CLUAP1: variants seen among roughly 807,000 people sequenced by gnomAD.
The protein encoded by CLUAP1 is clusterin-associated protein 1.
Under a neutral mutation model 55.0 loss-of-function variants are expected in CLUAP1, and 50 were observed. That is an observed-to-expected ratio of 0.91 (90% confidence interval 0.72 to 1.15). The LOEUF (loss-of-function observed/expected upper bound fraction) is 1.15. Ranked by LOEUF, CLUAP1 falls within the 50% of genes most tolerant of loss-of-function variation. The pLI, the probability that CLUAP1 is intolerant of heterozygous loss-of-function variation, is 0.00. For synonymous variants in CLUAP1, 195 were observed against 175.4 expected (o/e 1.11, Z -0.88); for missense variants, 530 against 507.6 (o/e 1.04, Z -0.42).
intron 5 of CLUAP1, chr16:3,515,255 G>C (rs1325905215): frequency 1.9e-5 from 6 of 314,142 alleles, no homozygotes; most frequent in African/African-American, 1.3e-4. Context: ...GCTAAGTTCA[G>C]TTTTGCTCAT....
In CLUAP1 at chr16:3,523,176, G is replaced by A. The variant is rs759823647; in HGVS notation, c.732G>A (p.Glu244=). Residue 244 remains glutamate, a synonymous_variant, in exon 8 of 12, where the codon GAG becomes GAA. Transcript: ENST00000576634. The stretch of plus-strand genomic sequence containing the variant: ...CTTTTAGGCCATGTTTTATGGATGA[G>A]TATGAGAAGACTGAGGAAGAATTAC... ...LQSVRPCFMD[E]YEKTEEELQK... The A allele has an allele frequency of 6.2e-7, 1 of 1,612,758 alleles. No individual in the cohort carries two copies.
intron 7 of CLUAP1, among the ~76,000 whole-genome samples, chr16:3,521,508 C>T (rs2037833002): frequency 6.6e-6 from 1 of 151,120 alleles, no homozygotes; most frequent in East Asian, 2.0e-4. Context: ...GATCCCGGCT[C>T]ACTGCAAACT....
upstream of CLUAP1, among the ~76,000 whole-genome samples, chr16:3,498,717 G>A (rs779749389): frequency 3.3e-5 from 5 of 152,024 alleles, no homozygotes; most frequent in East Asian, 1.9e-4. Context: ...AAAATTAGCC[G>A]GGTGTGGTGG....
At chr16:3,496,903 C>T, upstream of CLUAP1, 1 of 300,440 alleles carries the variant, frequency 3.3e-6, no homozygotes, top group South Asian at 3.0e-5. Flanking sequence ...TGGAGTCTCA[C>T]TTTGGCGCCC....
intron 9 of CLUAP1, among the ~76,000 whole-genome samples, chr16:3,528,475 C>T (rs2037991300): frequency 6.6e-6 from 1 of 152,188 alleles, no homozygotes; most frequent in African/African-American, 2.4e-5. Flanking sequence ...TTTGAAGGGC[C>T]TGTCTAGCCA....
Position 3,530,644 on chromosome 16 carries a change from G to A in CLUAP1, c.1005G>A (p.Lys335=), listed in dbSNP as rs35876598. The A allele has an allele frequency of 6.2e-7, 1 of 1,613,986 alleles. No homozygotes were observed. The highest frequency in any genetic ancestry group is 1.3e-5 in the African/African-American group (1 of 74,920). The change falls in exon 10 of 12, where the codon AAG becomes AAA. Residue 335 remains lysine, a synonymous_variant. Coordinates refer to ENST00000576634, the MANE Select transcript of CLUAP1 (RefSeq NM_015041.3). ...DSELEERRLP[K]PQTAMEMLMQ... is the part of the protein sequence containing the mutation. ...AGTTGGAAGAAAGGCGGCTGCCCAA[G>A]CCACAGACAGCCATGGAGATGCTCA...
chr16:3,530,481 CTT>C, intron 9 of CLUAP1, 85 bp from the exon 10 acceptor site: 1 of 885,658 alleles, frequency 1.1e-6, no homozygotes, highest in Non-Finnish European at 1.9e-6. Flanking sequence ...GAACAAATGA[CTT>C]TTGCACACAG....
intron 1 of CLUAP1, among the ~76,000 whole-genome samples, chr16:3,503,536 A>G (rs1309138685): frequency 2.0e-5 from 3 of 151,866 alleles, no homozygotes; most frequent in Non-Finnish European, 2.9e-5. Flanking sequence ...ACCTCAGGTG[A>G]TCTACCCTCC....
Position 3,530,677 on chromosome 16 carries a change from T to G in CLUAP1, c.1036+2T>G. ...CAGCCATGGAGATGCTCATGCAAGG[T>G]ACCCCGGCGTCTTTCGCTGGACTTC... On this transcript the variant is annotated splice_donor_variant, in intron 10 of 11. Transcript: ENST00000576634. LOFTEE classifies it high-confidence loss of function. The G allele has an allele frequency of 5.0e-6, 8 of 1,612,714 alleles. No individual in the cohort carries two copies. The highest frequency in any genetic ancestry group is 5.9e-6 in the Non-Finnish European group (7 of 1,178,902).
At chr16:3,506,245 C>A (rs973682537) in intron 2 of CLUAP1, 86 bp from the exon 3 acceptor site, 1 of 1,079,294 alleles carries the variant, frequency 9.3e-7, no homozygotes, top group Non-Finnish European at 1.4e-6. Flanking sequence ...TGTTCCAGAC[C>A]CGCTGTCCTC....
At chr16:3,531,383 G>C (rs191859764) in intron 10 of CLUAP1, among the ~76,000 whole-genome samples, 1 of 152,072 alleles carries the variant, frequency 6.6e-6, no homozygotes, top group Admixed American at 6.6e-5. Flanking sequence ...TTAGTTGGGC[G>C]CAATGGCGGG....
intron 6 of CLUAP1, among the ~76,000 whole-genome samples, chr16:3,519,690 GA>G (rs998624114): frequency 6.0e-5 from 9 of 150,828 alleles, no homozygotes; most frequent in Non-Finnish European, 8.9e-5. Flanking sequence ...TTTTCATGGG[GA>G]AAAAAAAAGA....
chr16:3,509,649 A>G (rs1234681129), intron 4 of CLUAP1, among the ~76,000 whole-genome samples: 5 of 152,182 alleles, frequency 3.3e-5, no homozygotes, highest in Non-Finnish European at 7.3e-5. Context: ...CTAGGAATGA[A>G]GGCCCCGGGG....
chr16:3,503,149 A>G (rs1269676994), intron 1 of CLUAP1, among the ~76,000 whole-genome samples: 1 of 150,356 alleles, frequency 6.7e-6, no homozygotes, highest in Non-Finnish European at 1.5e-5. Context: ...TAACTTTTGT[A>G]TTTTTATTTT....
chr16:3,530,736 A>G (rs549878793), intron 10 of CLUAP1, 61 bp downstream of exon 10: 7 of 1,337,768 alleles, frequency 5.2e-6, no homozygotes, highest in African/African-American at 1.4e-5. Flanking sequence ...ACACCTGGCC[A>G]GGACTGGGGC....
Position 3,515,503 on chromosome 16 carries a change from C to G in CLUAP1, c.496-5C>G, listed in dbSNP as rs1018528392. ...ATATACGTAAATGATTTTACTGTTT[C>G]CTAGGAAATGAGAACAGAAGCCATT... On this transcript the variant is annotated splice_polypyrimidine_tract_variant and splice_region_variant and intron_variant, in intron 5 of 11. Coordinates refer to ENST00000576634, the MANE Select transcript of CLUAP1 (RefSeq NM_015041.3). 12 of 1,577,136 alleles carry G rather than the reference C, an allele frequency of 7.6e-6. No individual in the cohort carries two copies. The highest frequency in any genetic ancestry group is 9.5e-6 in the Non-Finnish European group (11 of 1,163,256).
upstream of CLUAP1, chr16:3,496,462 T>A: frequency 1.1e-6 from 1 of 890,104 alleles, no homozygotes; most frequent in Non-Finnish European, 1.8e-6. Context: ...TGGGGACGCT[T>A]AACGGATGAC....
chr16:3,518,912 C>G (rs1192634527), intron 6 of CLUAP1, among the ~76,000 whole-genome samples: 2 of 152,124 alleles, frequency 1.3e-5, no homozygotes, highest in Non-Finnish European at 2.9e-5. Context: ...ACAGAGTAAC[C>G]CCTTCGTGGG....
At chr16:3,501,762 C>T (rs924768292) in intron 1 of CLUAP1, among the ~76,000 whole-genome samples, 5 of 151,476 alleles carry the variant, frequency 3.3e-5, no homozygotes, top group African/African-American at 1.2e-4. Context: ...AAGAGCGAAA[C>T]AACATCTCAA....
Sources: gnomAD v4.1 joint callset for allele counts (sites outside exome capture counted in the v4.1 genomes callset) on GRCh38, gnomAD v4.1.1 for gene constraint, MANE v1.5 for transcripts, NCBI Gene and HGNC (gene_info 2026-07-23, HGNC 2026-07-21) for gene names.